The following CCDC18 variants were observed in gnomAD, a reference collection of about 807,000 sequenced individuals.
CCDC18 encodes the protein coiled-coil domain-containing protein 18.
CCDC18 carries 157 observed loss-of-function variants against 196.0 expected under a neutral mutation model. The ratio of observed to expected loss-of-function variants is 0.80; its 90% CI spans 0.70 to 0.91. The LOEUF (loss-of-function observed/expected upper bound fraction) is 0.91, where lower values mean the gene tolerates loss of function less well. Ranked by LOEUF, CCDC18 falls within the 40% of genes least tolerant of loss-of-function variation. The pLI, the probability that CCDC18 is intolerant of heterozygous loss-of-function variation, is 0.00. For missense variants in CCDC18, 1,465 were observed against 1,611.6 expected, an observed-to-expected ratio of 0.91 and a Z score of 1.56; for synonymous variants, 482 against 529.2, an observed-to-expected ratio of 0.91 and a Z score of 1.22.
intron 27 of CCDC18, among the ~76,000 whole-genome samples, chr1:93,265,662 G>A (rs1664403043): frequency 6.6e-6 from 1 of 152,070 alleles, no homozygotes; most frequent in Non-Finnish European, 1.5e-5. Flanking sequence ...TAAACCAACA[G>A]GCTTTAAACC....
rs1456097007 is a variant in CCDC18, at chr1:93,246,859, A to G, written c.3103A>G (p.Ile1035Val). Residue 1035 changes from isoleucine to valine, a missense_variant, in exon 23 of 29, where the codon ATT (isoleucine) becomes GTT (valine). Coordinates refer to ENST00000690025, the MANE Select transcript of CCDC18 (RefSeq NM_001378204.1). ...TTAGGTTACACATTTGGATATGACT[A>G]TTCGTGAGCACAGAGGAGAAATGGA... ...AAQVTHLDMT[I>V]REHRGEMEQK... The G allele has an allele frequency of 3.9e-6, 6 of 1,525,838 alleles. No individual in the cohort carries two copies. The highest frequency in any genetic ancestry group is 1.4e-5 in the African/African-American group (1 of 72,240). The allele number at this position is 1,525,838 out of a possible 1,614,324, so 94.5% of individuals were successfully genotyped here.
intron 28 of CCDC18, among the ~76,000 whole-genome samples, chr1:93,273,213 C>T (rs1039126628): frequency 2.6e-5 from 4 of 151,992 alleles, no homozygotes; most frequent in Admixed American, 2.0e-4. Flanking sequence ...GGACTACAGG[C>T]GCCCGCCACC....
chr1:93,209,252 C>G (rs1389956613), intron 9 of CCDC18, among the ~76,000 whole-genome samples: 1 of 152,240 alleles, frequency 6.6e-6, no homozygotes, highest in Admixed American at 6.5e-5. Context: ...GCCACCACGC[C>G]TGGCCTAAAA....
rs1168127491 is a variant in CCDC18, at chr1:93,212,314, T to G, written c.1495+53T>G. On this transcript the variant is annotated intron_variant, in intron 11 of 28. Transcript: ENST00000690025. Reference sequence around the variant, plus strand: ...TTATATTCAGAGTTTTGGATGATAGTTTTTTTTTAAAAAAACTTTTATTTA... The same window carrying G: ...TTATATTCAGAGTTTTGGATGATAGGTTTTTTTTAAAAAAACTTTTATTTA... 2.5e-6 allele frequency: 3 copies of G among 1,203,008 alleles called. No individual in the cohort carries two copies. The African/African-American group carries it at 4.8e-5, about 19-fold the overall frequency. 74.5% of individuals were successfully genotyped at this position (1,203,008 alleles called of 1,614,324 possible). A position where few individuals can be genotyped will look rare whatever the true frequency, so the allele number is the denominator to read the frequency against.
Position 93,226,409 on chromosome 1 carries a change from A to C in CCDC18, c.2252A>C (p.Lys751Thr). 1 of 1,592,024 alleles carries C rather than the reference A, an allele frequency of 6.3e-7. No homozygotes were observed. The highest frequency in any genetic ancestry group is 8.6e-7 in the Non-Finnish European group (1 of 1,162,578). The change falls in exon 17 of 29, where the codon AAG becomes ACG. Residue 751 changes from lysine to threonine, a missense_variant. By Grantham distance (78) the Lys-to-Thr change is moderately conservative (BLOSUM62 -1). Transcript: ENST00000690025. ...CATTTGAATCAATTGGAAGGAAATA[A>C]GGAAAAGTTTGAAAAACAGTTAAAG... ...VLHLNQLEGN[K>T]EKFEKQLKKK... is the part of the protein sequence containing the mutation.
At chr1:93,195,218 A>T (rs997682702) in intron 6 of CCDC18, among the ~76,000 whole-genome samples, 1 of 152,202 alleles carries the variant, frequency 6.6e-6, no homozygotes, top group Non-Finnish European at 1.5e-5. Flanking sequence ...GGACAGACAC[A>T]TTCTGGGCAG....
chr1:93,188,591 T>C (rs1248922308), intron 4 of CCDC18, among the ~76,000 whole-genome samples: 1 of 152,240 alleles, frequency 6.6e-6, no homozygotes, highest in East Asian at 1.9e-4. Flanking sequence ...CAGTGCCACT[T>C]TGAAAAGTCT....
chr1:93,256,451 G>C lies in CCDC18; in HGVS notation c.3459G>C (p.Glu1153Asp). ...QVQNSHTELA[E>D]ARHQQVQAQR... Reference sequence around the variant, plus strand: ...AGAACTCTCATACAGAATTGGCAGAGGCTCGTCATCAGCAAGTCCAAGCAC... The same window carrying C: ...AGAACTCTCATACAGAATTGGCAGACGCTCGTCATCAGCAAGTCCAAGCAC... Residue 1153 changes from glutamate to aspartate, a missense_variant, in exon 25 of 29, where the codon GAG (glutamate) becomes GAC (aspartate). By Grantham distance (45) the Glu-to-Asp change is conservative (BLOSUM62 2). Transcript: ENST00000690025. 1 of 1,614,068 alleles carries C rather than the reference G, an allele frequency of 6.2e-7. No individual in the cohort carries two copies. The highest frequency in any genetic ancestry group is 8.5e-7 in the Non-Finnish European group (1 of 1,179,988).
Position 93,186,431 on chromosome 1 carries a change from G to C in CCDC18, c.390G>C (p.Leu130Phe). Reference protein sequence around the residue: ...LNKLRQQNACLVTQNHSLMTK... With the variant: ...LNKLRQQNACFVTQNHSLMTK... The stretch of plus-strand genomic sequence containing the variant: ...AACTTAGGCAACAGAATGCTTGTTT[G>C]GTCACACAGAATCATTCCTTAATGA... The change falls in exon 4 of 29, where the codon TTG becomes TTC. Residue 130 changes from leucine to phenylalanine, a missense_variant. Physicochemically the swap from Leu to Phe is conservative, Grantham distance 22. Coordinates refer to ENST00000690025, the MANE Select transcript of CCDC18 (RefSeq NM_001378204.1). 6.2e-7 allele frequency: 1 copy of C among 1,611,632 alleles called. No homozygotes were observed. Among genetic ancestry groups the C allele is most frequent in the South Asian group, 1.1e-5 (1 of 90,846 alleles).
chr1:93,205,766 T>C, intron 8 of CCDC18, 135 bp downstream of exon 8: 1 of 774,958 alleles, frequency 1.3e-6, no homozygotes, highest in Non-Finnish European at 2.1e-6. Context: ...ACTGAAACTG[T>C]TTTCTAGCTA....
At chr1:93,200,336 A>T (rs1443915250) in intron 6 of CCDC18, among the ~76,000 whole-genome samples, 5 of 148,704 alleles carry the variant, frequency 3.4e-5, no homozygotes, top group African/African-American at 1.2e-4. Context: ...AGATTATTTA[A>T]AAAAAAAAAA....
intron 3 of CCDC18, 51 bp downstream of exon 3, chr1:93,184,197 G>A: frequency 8.8e-7 from 1 of 1,130,248 alleles, no homozygotes; most frequent in Non-Finnish European, 1.2e-6. Flanking sequence ...TTTTAGGCCT[G>A]TCTACTTAAA....
intron 26 of CCDC18, among the ~76,000 whole-genome samples, chr1:93,262,953 C>A (rs915680283): frequency 6.6e-6 from 1 of 152,136 alleles, no homozygotes; most frequent in African/African-American, 2.4e-5. Context: ...TGTGCACCTG[C>A]AGACTTAACA....
chr1:93,219,868 T>G (rs1266009478), intron 14 of CCDC18, among the ~76,000 whole-genome samples: 1 of 151,774 alleles, frequency 6.6e-6, no homozygotes, highest in African/African-American at 2.4e-5. Flanking sequence ...AGAGAAAAAA[T>G]TTTTTTTCCA....
At chr1:93,227,693 C>G (rs572495072) in intron 17 of CCDC18, among the ~76,000 whole-genome samples, 71 of 152,042 alleles carry the variant, frequency 4.7e-4, no homozygotes, top group African/African-American at 1.7e-3. Flanking sequence ...GTTGCTCACG[C>G]CTATAAGCCC....
chr1:93,209,038 A>G (rs757243074), intron 9 of CCDC18, among the ~76,000 whole-genome samples: 15 of 152,090 alleles, frequency 9.9e-5, no homozygotes, highest in Non-Finnish European at 1.0e-4. Context: ...GGCGCACTGC[A>G]ACCTCAGCCT....
At chr1:93,210,087 G>A (rs1429900086) in intron 9 of CCDC18, among the ~76,000 whole-genome samples, 3 of 152,080 alleles carry the variant, frequency 2.0e-5, no homozygotes, top group Admixed American at 6.6e-5. Context: ...ATATGATTCC[G>A]AATGTGGTAA....
chr1:93,218,856 G>C (rs970472396), intron 14 of CCDC18, among the ~76,000 whole-genome samples: 8 of 152,282 alleles, frequency 5.3e-5, no homozygotes, highest in African/African-American at 1.9e-4. Context: ...TCATCTTTGA[G>C]AACAGCCTAG....
At position 93,226,352 on chromosome 1, in the gene CCDC18, C is replaced by T. The variant is rs1658315598; in HGVS notation, c.2195C>T (p.Ala732Val). Reference sequence around the variant, plus strand: ...GCTTAGGTTAGGCAACTAGATTCAGCATTGGAAATTTGTAAGGAAGAACTT... The same window carrying T: ...GCTTAGGTTAGGCAACTAGATTCAGTATTGGAAATTTGTAAGGAAGAACTT... The part of the protein sequence containing the change: ...ETIKVRQLDS[A>V]LEICKEELVL... Residue 732 changes from alanine (A) to valine (V), a missense_variant, in exon 17 of 29, where the codon GCA becomes GTA. Ala to Val is a moderately conservative substitution (Grantham distance 64). Transcript: ENST00000690025. The T allele has an allele frequency of 2.0e-6, 3 of 1,534,718 alleles. No individual in the cohort carries two copies. Among genetic ancestry groups the T allele is most frequent in the South Asian group, 1.2e-5 (1 of 85,702 alleles).
Sources: allele counts gnomAD v4.1 joint callset (sites outside exome capture counted in the v4.1 genomes callset), GRCh38; gene constraint gnomAD v4.1.1; transcripts MANE v1.5; gene names NCBI Gene and HGNC (gene_info 2026-07-23, HGNC 2026-07-21).